Variants in C2CD3 observed in about 807,000 individuals in gnomAD.
C2CD3 encodes C2 domain-containing protein 3.
C2CD3 carries 148 observed loss-of-function variants against 234.0 expected under a neutral mutation model. The observed-to-expected ratio is 0.63, with a 90% CI of 0.55 to 0.72. C2CD3 has a LOEUF of 0.72. Ranked by LOEUF, C2CD3 falls within the 30% of genes least tolerant of loss-of-function variation. The pLI, the probability that C2CD3 is intolerant of heterozygous loss-of-function variation, is 0.00. For missense variants in C2CD3, 2,577 were observed against 2,811.5 expected (o/e 0.92, Z 1.89); for synonymous variants, 1,000 against 1,035.4 (o/e 0.97, Z 0.66).
In C2CD3 at chr11:74,078,574, C is replaced by G. The variant is rs763561048; in HGVS notation, c.4144G>C (p.Ala1382Pro). 2.3e-5 allele frequency: 37 copies of G among 1,614,040 alleles called. No homozygotes were observed. The highest frequency in any genetic ancestry group is 3.1e-5 in the Non-Finnish European group (36 of 1,180,032). The change falls in exon 23 of 33, where the codon GCT (alanine) becomes CCT (proline). Residue 1382 changes from alanine to proline, a missense_variant. By Grantham distance (27) the Ala-to-Pro change is conservative (BLOSUM62 -1). Coordinates refer to ENST00000334126, the MANE Select transcript of C2CD3 (RefSeq NM_001286577.2). Reference sequence around the variant, plus strand: ...TCAAAGCTCCAGCCCAAATGCTCAGCAGCTTCCAACACCCGTTCTCTATCT... The same window carrying G: ...TCAAAGCTCCAGCCCAAATGCTCAGGAGCTTCCAACACCCGTTCTCTATCT... Reference protein sequence around the residue: ...RGDRERVLEAAEHLGWSFENS... With the variant: ...RGDRERVLEAPEHLGWSFENS...
At position 74,037,996 on chromosome 11, in the gene C2CD3, C is replaced by T. The variant is rs1385904669; in HGVS notation, c.5661-298G>A. Among the ~76,000 whole-genome samples the T allele has an allele frequency of 3.9e-5, 6 of 152,174 alleles. No homozygotes were observed. In the East Asian group the frequency reaches 1.2e-3, roughly 29 times the overall value. On this transcript the variant is annotated intron_variant, in intron 29 of 32. Coordinates refer to ENST00000334126, the MANE Select transcript of C2CD3 (RefSeq NM_001286577.2). ...AACCATTCTTGACCACCATTCCAGT[C>T]CTTATTTCTGTTTACTTTGACAGAA...
intron 10 of C2CD3, 38 bp from the exon 11 acceptor site, chr11:74,113,930 CAA>C: frequency 8.2e-7 from 1 of 1,217,804 alleles, no homozygotes; most frequent in Non-Finnish European, 1.2e-6. Context: ...ACTAACCAAA[CAA>C]TAAACCTAAT....
In C2CD3 at chr11:74,170,842, A is replaced by C; in HGVS notation, c.-50T>G. On this transcript the variant is annotated 5_prime_UTR_variant, in exon 1 of 33. Coordinates refer to ENST00000334126, the MANE Select transcript of C2CD3 (RefSeq NM_001286577.2). ...AGCTCAACTCCGTCTCCAGCACCTA[A>C]GCAGTATCCTCCCGCCATCCCTCCC... 1 of 1,611,762 alleles carries C rather than the reference A, an allele frequency of 6.2e-7. No individual in the cohort carries two copies.
chr11:74,164,668 A>C (rs1412325608), intron 2 of C2CD3: 3 of 152,208 alleles, frequency 2.0e-5, no homozygotes, highest in African/African-American at 7.2e-5. Context: ...TGTAAACAAA[A>C]AGTTATGAAG....
intron 7 of C2CD3, among the ~76,000 whole-genome samples, chr11:74,132,237 G>C (rs1957701526): frequency 6.6e-6 from 1 of 152,172 alleles, no homozygotes; most frequent in Non-Finnish European, 1.5e-5. Context: ...TGCAGAACCA[G>C]CTACTTGGGA....
intron 7 of C2CD3, among the ~76,000 whole-genome samples, chr11:74,125,189 T>C: frequency 6.6e-6 from 1 of 152,186 alleles, no homozygotes; most frequent in Non-Finnish European, 1.5e-5. Context: ...ATTAGAGACA[T>C]GGTATTGCTT....
In C2CD3 at chr11:74,113,777, T is replaced by C; in HGVS notation, c.1843+3A>G. 6.4e-7 allele frequency: 1 copy of C among 1,551,768 alleles called. No individual in the cohort carries two copies. The highest frequency in any genetic ancestry group is 8.9e-7 in the Non-Finnish European group (1 of 1,123,378). On this transcript the variant is annotated splice_donor_region_variant and intron_variant, in intron 11 of 32. Transcript: ENST00000334126. Reference sequence around the variant, plus strand: ...AGGTGCAGAAAACCAGTGTGTCTCTTACTTCCATCTGTAATTTTACTGGAG... The same window carrying C: ...AGGTGCAGAAAACCAGTGTGTCTCTCACTTCCATCTGTAATTTTACTGGAG...
chr11:74,110,103 A>AAAT (rs1390329103), intron 11 of C2CD3, among the ~76,000 whole-genome samples: 8 of 125,614 alleles, frequency 6.4e-5, no homozygotes, highest in African/African-American at 2.7e-4. Flanking sequence ...ATAAATAAAT[A>AAAT]AAATAAAATA....
chr11:74,167,365 C>T (rs1420349463), intron 2 of C2CD3, among the ~76,000 whole-genome samples: 9 of 152,134 alleles, frequency 5.9e-5, no homozygotes, highest in Admixed American at 5.9e-4. Flanking sequence ...CTGCTTTTAA[C>T]CTACTATTAA....
intron 31 of C2CD3, among the ~76,000 whole-genome samples, chr11:74,032,999 C>G (rs1952585702): frequency 6.6e-6 from 1 of 152,148 alleles, no homozygotes; most frequent in African/African-American, 2.4e-5. Context: ...CAGTGATTTT[C>G]TTTCCTCTTT....
intron 2 of C2CD3, chr11:74,164,145 T>C (rs1037943922): frequency 1.0e-6 from 1 of 963,580 alleles, no homozygotes; most frequent in Non-Finnish European, 1.2e-6. Context: ...CTTAGTAGAC[T>C]TCTGACCTTT....
intron 22 of C2CD3, among the ~76,000 whole-genome samples, chr11:74,080,077 G>T (rs1025152897): frequency 3.9e-5 from 6 of 152,124 alleles, no homozygotes; most frequent in African/African-American, 1.4e-4. Flanking sequence ...GCTGAGGTCA[G>T]ATTTGGCTCC....
intron 20 of C2CD3, among the ~76,000 whole-genome samples, chr11:74,090,329 G>C (rs1028071494): frequency 6.6e-6 from 1 of 152,156 alleles, no homozygotes; most frequent in Non-Finnish European, 1.5e-5. Flanking sequence ...AGGAGTTCGA[G>C]ATCAGCCTGA....
At chr11:74,083,971 C>T (rs541936881) in intron 22 of C2CD3, among the ~76,000 whole-genome samples, 1 of 152,270 alleles carries the variant, frequency 6.6e-6, no homozygotes, top group South Asian at 2.1e-4. Context: ...ATAAATCATG[C>T]TACTATAAAG....
chr11:74,085,792 C>T lies in C2CD3; in HGVS notation c.3736G>A (p.Glu1246Lys), dbSNP rs1390820371. 6.2e-7 allele frequency: 1 copy of T among 1,614,000 alleles called. No individual in the cohort carries two copies. The highest frequency in any genetic ancestry group is 8.5e-7 in the Non-Finnish European group (1 of 1,180,038). Residue 1246 changes from glutamate (E) to lysine (K), a missense_variant, in exon 21 of 33, where the codon GAA becomes AAA. Glu to Lys is a moderately conservative substitution (Grantham distance 56). Transcript: ENST00000334126. ...GCCACAGGGTGGGTTCGGCGCTGTT[C>T]TCCCTGGGGCAGGAAGGAGAGATGA... Reference protein sequence around the residue: ...TTHLSFLPQGEQRRTHPVACS... With the variant: ...TTHLSFLPQGKQRRTHPVACS...
chr11:74,169,480 C>T (rs1857015598), intron 1 of C2CD3, among the ~76,000 whole-genome samples: 1 of 151,642 alleles, frequency 6.6e-6, no homozygotes, highest in South Asian at 2.1e-4. Context: ...GTGGTTATGC[C>T]TCAAAGAAGA....
chr11:74,118,143 C>T (rs1198348118), intron 9 of C2CD3, 85 bp downstream of exon 9: 7 of 1,000,954 alleles, frequency 7.0e-6, no homozygotes, highest in South Asian at 4.8e-5. Context: ...TGGTGCTGGG[C>T]AAATGGGTCA....
intron 26 of C2CD3, among the ~76,000 whole-genome samples, chr11:74,052,275 G>GTCT (rs1953730439): frequency 6.6e-6 from 1 of 152,134 alleles, no homozygotes; most frequent in African/African-American, 2.4e-5. Flanking sequence ...ACACATAGTA[G>GTCT]ACATAATAAT....
chr11:74,155,398 T>C (rs1160578738), intron 3 of C2CD3, among the ~76,000 whole-genome samples: 1 of 152,214 alleles, frequency 6.6e-6, no homozygotes, highest in Non-Finnish European at 1.5e-5. Context: ...ATTCCACTTG[T>C]AGGCATATAC....
Sources: gnomAD v4.1 joint callset for allele counts (sites outside exome capture counted in the v4.1 genomes callset) on GRCh38, gnomAD v4.1.1 for gene constraint, MANE v1.5 for transcripts, NCBI Gene and HGNC (gene_info 2026-07-23, HGNC 2026-07-21) for gene names.